Variants in MAGI2 observed in about 807,000 individuals in gnomAD.
MAGI2 encodes membrane-associated guanylate kinase, WW and PDZ domain-containing protein 2.
MAGI2 carries 35 observed loss-of-function variants against 133.3 expected under a neutral mutation model. The observed-to-expected ratio is 0.26, with a 90% CI of 0.20 to 0.35. MAGI2 has a LOEUF of 0.35. MAGI2 is among the 10% of genes least tolerant of loss of function. The pLI is 1.00. For missense variants in MAGI2, 1,636 were observed against 1,863.4 expected, an observed-to-expected ratio of 0.88 and a Z score of 2.25; for synonymous variants, 729 against 710.6, an observed-to-expected ratio of 1.03 and a Z score of -0.41.
chr7:79,093,544 G>C (rs1344840126), intron 1 of MAGI2, among the ~76,000 whole-genome samples: 1 of 151,888 alleles, frequency 6.6e-6, no homozygotes, highest in Non-Finnish European at 1.5e-5. Context: ...ATACTTTATT[G>C]CTAAAAAATG....
At chr7:79,176,121 T>A (rs1259798056) in intron 1 of MAGI2, among the ~76,000 whole-genome samples, 1 of 152,036 alleles carries the variant, frequency 6.6e-6, no homozygotes, top group Non-Finnish European at 1.5e-5. Context: ...TCACCCCTTC[T>A]GTGTTAGCAT....
intron 1 of MAGI2, among the ~76,000 whole-genome samples, chr7:79,344,523 A>T (rs992061782): frequency 6.6e-6 from 1 of 152,184 alleles, no homozygotes; most frequent in African/African-American, 2.4e-5. Context: ...TTTACAGGCC[A>T]CATAAAAGAA....
chr7:79,136,001 A>AAGAAAGAAAG (rs1821404772), intron 1 of MAGI2, among the ~76,000 whole-genome samples: 3 of 35,770 alleles, frequency 8.4e-5, no homozygotes, highest in African/African-American at 3.0e-4. Flanking sequence ...GAAAGAAAGA[A>AAGAAAGAAAG]AGAGAAAGAA....
chr7:78,609,026 G>A (rs2150904585), intron 3 of MAGI2, among the ~76,000 whole-genome samples: 1 of 152,260 alleles, frequency 6.6e-6, no homozygotes, highest in Non-Finnish European at 1.5e-5. Context: ...AATGTTTGAG[G>A]GCAGGAAGCA....
At chr7:78,513,558 G>GA (rs1216471561) in intron 4 of MAGI2, among the ~76,000 whole-genome samples, 2 of 151,974 alleles carry the variant, frequency 1.3e-5, no homozygotes, top group African/African-American at 4.8e-5. Flanking sequence ...ACTGTGATTA[G>GA]AAAAAAAGCT....
intron 1 of MAGI2, among the ~76,000 whole-genome samples, chr7:79,131,206 A>C (rs1820911886): frequency 6.6e-6 from 1 of 152,188 alleles, no homozygotes; most frequent in South Asian, 2.1e-4. Context: ...TTTTAAAATC[A>C]GTGCTGTTCA....
Position 78,955,737 on chromosome 7 carries a change from CTTT to C in MAGI2, c.418+51350_418+51352del, listed in dbSNP as rs1562712962. On this transcript the variant is annotated intron_variant, in intron 2 of 21. Transcript: ENST00000354212. ...TTTCTTTCTTTCTCTTTCTTTCTTT[CTTT>C]CTTTCTTTCTTTCTTTCTTTCTTTC... 3.1e-3 allele frequency among the ~76,000 whole-genome samples: 163 copies of C among 52,264 alleles called. 1 individual carries two copies. The highest frequency in any genetic ancestry group is 0.01 in the Middle Eastern group (1 of 100). 34.3% of individuals were successfully genotyped at this position (52,264 alleles called of 152,430 possible).
chr7:78,111,724 A>C (rs1819382288), intron 20 of MAGI2, among the ~76,000 whole-genome samples: 1 of 152,208 alleles, frequency 6.6e-6, no homozygotes, highest in South Asian at 2.1e-4. Context: ...AAAGGCATGG[A>C]GCAGGGCCAG....
rs562362500 is a variant in MAGI2 at position 79,416,933 on chromosome 7, C to T, written c.301+36087G>A. ...TATTTTAGTAGAGACGGAGTTTCAC[C>T]GTATTGGCTAGGCTGGTCTCTTACT... On this transcript the variant is annotated intron_variant, in intron 1 of 21. Transcript: ENST00000354212. Among the ~76,000 whole-genome samples the T allele has an allele frequency of 1.3e-4, 20 of 151,722 alleles. No individual in the cohort carries two copies. The South Asian group carries it at 2.5e-3, about 19-fold the overall frequency.
chr7:78,428,697 C>T (rs1415961717), intron 6 of MAGI2, among the ~76,000 whole-genome samples: 2 of 152,192 alleles, frequency 1.3e-5, no homozygotes, highest in East Asian at 3.9e-4. Flanking sequence ...AAAAGCCTGA[C>T]TTGGCCTCTC....
chr7:79,188,321 C>T (rs1002817921), intron 1 of MAGI2, among the ~76,000 whole-genome samples: 2 of 151,712 alleles, frequency 1.3e-5, no homozygotes, highest in South Asian at 4.2e-4. Context: ...GCTCTTTACC[C>T]TGTGTCCATG....
chr7:79,443,128 C>T (rs1388524349), intron 1 of MAGI2, among the ~76,000 whole-genome samples: 8 of 151,916 alleles, frequency 5.3e-5, no homozygotes, highest in Middle Eastern at 6.8e-3. Context: ...AAAAATTAGC[C>T]GGGTGTGATG....
intron 1 of MAGI2, among the ~76,000 whole-genome samples, chr7:79,345,838 A>C (rs958915726): frequency 1.3e-5 from 2 of 152,006 alleles, no homozygotes; most frequent in African/African-American, 2.4e-5. Flanking sequence ...ATTTTCATTC[A>C]TTTTGCATTC....
At chr7:78,846,599 C>G (rs373213094) in intron 2 of MAGI2, among the ~76,000 whole-genome samples, 1 of 151,928 alleles carries the variant, frequency 6.6e-6, no homozygotes. Context: ...GGTTCCTAGA[C>G]GTTCTTCTTT....
chr7:79,367,168 G>A (rs570061174), intron 1 of MAGI2, among the ~76,000 whole-genome samples: 1 of 152,268 alleles, frequency 6.6e-6, no homozygotes, highest in African/African-American at 2.4e-5. Flanking sequence ...CCCATCCGTC[G>A]CAAGAATTTA....
chr7:79,440,895 C>G (rs1848453397), intron 1 of MAGI2, among the ~76,000 whole-genome samples: 1 of 152,216 alleles, frequency 6.6e-6, no homozygotes, highest in South Asian at 2.1e-4. Flanking sequence ...GGCTAGCTCT[C>G]TTCACGATCA....
intron 2 of MAGI2, among the ~76,000 whole-genome samples, chr7:78,858,235 T>C (rs1343688460): frequency 3.3e-5 from 5 of 152,202 alleles, no homozygotes. Context: ...GAAGGGTTTT[T>C]TTGTGTCTCT....
At chr7:78,199,542 T>A (rs1829042254) in intron 11 of MAGI2, among the ~76,000 whole-genome samples, 1 of 152,202 alleles carries the variant, frequency 6.6e-6, no homozygotes, top group Non-Finnish European at 1.5e-5. Context: ...GCTCAAGTCA[T>A]CTGTTAGGAA....
At chr7:79,375,883 T>C (rs1843346048) in intron 1 of MAGI2, among the ~76,000 whole-genome samples, 1 of 151,952 alleles carries the variant, frequency 6.6e-6, no homozygotes, top group South Asian at 2.1e-4. Flanking sequence ...AATTGAAGAC[T>C]GCTTCTAAGC....
Sources: allele counts gnomAD v4.1 joint callset (sites outside exome capture counted in the v4.1 genomes callset), GRCh38; gene constraint gnomAD v4.1.1; transcripts MANE v1.5; gene names NCBI Gene and HGNC (gene_info 2026-07-23, HGNC 2026-07-21).